PXMP2: variants seen among roughly 807,000 people sequenced by gnomAD.
PXMP2 encodes the protein peroxisomal membrane protein 2.
PXMP2 carries 13 observed loss-of-function variants against 20.2 expected under a neutral mutation model. The observed-to-expected ratio is 0.64, with a 90% CI of 0.42 to 1.02. The LOEUF (loss-of-function observed/expected upper bound fraction) is 1.02. Among genes scored for constraint, PXMP2 ranks in the 50% least tolerant of loss-of-function variants. The pLI is 0.00. For missense variants in PXMP2, 284 were observed against 251.8 expected (o/e 1.13, Z -0.87); for synonymous variants, 113 against 111.2 (o/e 1.02, Z -0.10).
intron 1 of PXMP2, chr12:132,688,119 A>AC: frequency 6.0e-6 from 1 of 165,646 alleles, no homozygotes; most frequent in Non-Finnish European, 1.3e-5. Flanking sequence ...GCGGGTCCGC[A>AC]GGCGCGGGTG....
intron 2 of PXMP2, among the ~76,000 whole-genome samples, chr12:132,692,730 G>T (rs574862544): frequency 1.0e-4 from 13 of 130,256 alleles, no homozygotes; most frequent in Non-Finnish European, 1.8e-4. Context: ...CAGTTAGTTA[G>T]TGAGCTCCCT....
At chr12:132,704,567 C>T in intron 4 of PXMP2, 52 bp from the exon 5 acceptor site, 3 of 1,348,208 alleles carry the variant, frequency 2.2e-6, no homozygotes, top group Non-Finnish European at 2.9e-6. Context: ...GGCTGGATAA[C>T]TGGCCACGGC....
intron 3 of PXMP2, among the ~76,000 whole-genome samples, chr12:132,698,638 C>CT (rs1398721647): frequency 2.0e-5 from 3 of 151,854 alleles, no homozygotes; most frequent in South Asian, 2.1e-4. Context: ...GGATTATTTT[C>CT]TTTTTTTTGA....
chr12:132,702,569 G>T, intron 4 of PXMP2: 1 of 272,286 alleles, frequency 3.7e-6, no homozygotes, highest in Admixed American at 5.1e-5. Context: ...CAGAAGGTAT[G>T]CCGCCCATCA....
chr12:132,690,888 G>T (rs902419416), intron 2 of PXMP2, among the ~76,000 whole-genome samples: 1 of 151,918 alleles, frequency 6.6e-6, no homozygotes, highest in African/African-American at 2.4e-5. Context: ...ATGGGTAGGG[G>T]TGACTGTCTT....
At position 132,687,674 on chromosome 12, in the gene PXMP2, G is replaced by A. The variant is rs1459642984; in HGVS notation, c.4G>A (p.Ala2Thr). M[A>T]PAASRLRAEA... ...GCGGCACGGCGCTGGGGAGGCGATGGCGCCGGCCGCGTCCAGGCTGCGGGC... is the reference window on the plus strand; with the variant it reads ...GCGGCACGGCGCTGGGGAGGCGATGACGCCGGCCGCGTCCAGGCTGCGGGC... Residue 2 changes from alanine to threonine, a missense_variant, in exon 1 of 5, where the codon GCG becomes ACG. By Grantham distance (58) the Ala-to-Thr change is moderately conservative. Coordinates refer to ENST00000317479, the MANE Select transcript of PXMP2 (RefSeq NM_018663.3). The A allele has an allele frequency of 7.7e-6, 9 of 1,172,854 alleles. No individual in the cohort carries two copies. The highest frequency in any genetic ancestry group is 7.3e-6 in the Non-Finnish European group (7 of 955,098). 72.7% of individuals were successfully genotyped at this position (1,172,854 alleles called of 1,614,324 possible).
rs11835147 is a variant in PXMP2 at position 132,704,875 on chromosome 12, C to T, written c.*188C>T. The T allele has an allele frequency of 0.01, 6,748 of 657,018 alleles. 293 individuals carry two copies. The highest frequency in any genetic ancestry group is 0.1 in the African/African-American group (5,471 of 54,778). 40.7% of individuals were successfully genotyped at this position (657,018 alleles called of 1,614,324 possible). A position where few individuals can be genotyped will look rare whatever the true frequency, so the allele number is the denominator to read the frequency against. On this transcript the variant is annotated 3_prime_UTR_variant, in exon 5 of 5. Transcript: ENST00000317479. The stretch of plus-strand genomic sequence containing the variant: ...GAACCCTGTCTTTTAAAAAGGCAGT[C>T]GCTGCCTTCAGGTGGTGCTGCCCCA...
chr12:132,690,712 A>G (rs2136059166), intron 2 of PXMP2, among the ~76,000 whole-genome samples: 1 of 152,060 alleles, frequency 6.6e-6, no homozygotes, highest in South Asian at 2.1e-4. Context: ...TGCCCAGCTA[A>G]TTTTTGTTAT....
At chr12:132,690,239 T>C in intron 1 of PXMP2, 24 bp from the exon 2 acceptor site, 8 of 1,590,858 alleles carry the variant, frequency 5.0e-6, no homozygotes, top group Non-Finnish European at 6.9e-6. Flanking sequence ...CACTGCTGTT[T>C]TCTGATGACC....
intron 4 of PXMP2, chr12:132,701,812 C>T (rs144921371): frequency 1.3e-3 from 263 of 199,938 alleles, no homozygotes; most frequent in Middle Eastern, 0.01. Context: ...AAAAGAAGGC[C>T]GTCACAGTAG....
In PXMP2 at chr12:132,696,104, C is replaced by A; in HGVS notation, c.399+58C>A. 1 of 1,482,616 alleles carries A rather than the reference C, an allele frequency of 6.7e-7. No individual in the cohort carries two copies. Among genetic ancestry groups the A allele is most frequent in the Non-Finnish European group, 9.1e-7 (1 of 1,103,798 alleles). The allele number at this position is 1,482,616 out of a possible 1,614,324, so 91.8% of individuals were successfully genotyped here. A position where few individuals can be genotyped will look rare whatever the true frequency, so the allele number is the denominator to read the frequency against. On this transcript the variant is annotated intron_variant, in intron 3 of 4. Coordinates refer to ENST00000317479, the MANE Select transcript of PXMP2 (RefSeq NM_018663.3). This position sits in a 1 kb window ranked among gnomAD's most constrained non-coding sequence, Gnocchi z 4.4. Reference sequence around the variant, plus strand: ...TTCGTTTAGCACAGGGATTCTTCACCTGACATTCTCGGCAGAATTCAGAGG... The same window carrying A: ...TTCGTTTAGCACAGGGATTCTTCACATGACATTCTCGGCAGAATTCAGAGG...
At position 132,700,848 on chromosome 12, in the gene PXMP2, C is replaced by T. The variant is rs1283267242; in HGVS notation, c.400-402C>T. Among the ~76,000 whole-genome samples the T allele has an allele frequency of 7.9e-5, 11 of 140,074 alleles. No individual in the cohort carries two copies. In the South Asian group the frequency reaches 1.4e-3, roughly 18 times the overall value. The allele number at this position is 140,074 out of a possible 152,430, so 91.9% of individuals were successfully genotyped here. A position where few individuals can be genotyped will look rare whatever the true frequency, so the allele number is the denominator to read the frequency against. ...CATTTAGAATGAACTTACTGGAGTCCTTTTTTTTTTTTTTTCATAACTCCT... is the reference window on the plus strand; with the variant it reads ...CATTTAGAATGAACTTACTGGAGTCTTTTTTTTTTTTTTTTCATAACTCCT... On this transcript the variant is annotated intron_variant, in intron 3 of 4. Transcript: ENST00000317479.
In PXMP2 at chr12:132,695,865, C is replaced by A; in HGVS notation, c.237-19C>A. The stretch of plus-strand genomic sequence containing the variant: ...ATCCAGAGAACCACAATCTGGCTCA[C>A]ACCCCCTGGGGGCCTCAGGTTCTTC... On this transcript the variant is annotated intron_variant, in intron 2 of 4. Coordinates refer to ENST00000317479, the MANE Select transcript of PXMP2 (RefSeq NM_018663.3). 6.3e-7 allele frequency: 1 copy of A among 1,589,588 alleles called. No homozygotes were observed. Among genetic ancestry groups the A allele is most frequent in the East Asian group, 2.3e-5 (1 of 44,398 alleles).
chr12:132,701,318 G>T lies in PXMP2; in HGVS notation c.468G>T (p.Trp156Cys). 1 of 1,613,176 alleles carries T rather than the reference G, an allele frequency of 6.2e-7. No individual in the cohort carries two copies. Among genetic ancestry groups the T allele is most frequent in the East Asian group, 2.2e-5 (1 of 44,754 alleles). ...TCTGGCCGGCGCTGAGGATGAACTG[G>T]CGGGTGTGGACGCCACTACAGTTCA... ...GGFWPALRMNWRVWTPLQFIN... is the reference protein window; with the variant it reads ...GGFWPALRMNCRVWTPLQFIN... The change falls in exon 4 of 5, where the codon TGG (tryptophan) becomes TGT (cysteine). Residue 156 changes from tryptophan to cysteine, a missense_variant. Trp to Cys is a radical substitution (Grantham distance 215). Transcript: ENST00000317479.
chr12:132,690,095 G>A (rs1262121443), intron 1 of PXMP2, among the ~76,000 whole-genome samples, 168 bp from the exon 2 acceptor site: 7 of 152,248 alleles, frequency 4.6e-5, no homozygotes, highest in Admixed American at 1.3e-4. Flanking sequence ...TAAGTCCACC[G>A]TCTCCACCTT....
At chr12:132,695,363 C>T (rs1239626390) in intron 2 of PXMP2, among the ~76,000 whole-genome samples, 1 of 152,130 alleles carries the variant, frequency 6.6e-6, no homozygotes, top group Non-Finnish European at 1.5e-5. Context: ...TGCCAGTTAG[C>T]CTAGTGAGTT....
chr12:132,702,882 C>T (rs1484830918), intron 4 of PXMP2, among the ~76,000 whole-genome samples: 1 of 152,140 alleles, frequency 6.6e-6, no homozygotes, highest in Non-Finnish European at 1.5e-5. Context: ...AGGAGGGAGG[C>T]GGCCCAGTGT....
Position 132,687,751 on chromosome 12 carries a change from CT to C in PXMP2, c.83del (p.Phe28SerfsTer27). On this transcript the variant is annotated frameshift_variant, in exon 1 of 5. Transcript: ENST00000317479. LOFTEE classifies it high-confidence loss of function. ...GGCGGGCGCTCGCCCAGTACCTGCT[CT>C]TCCTGCGGCTCTACCCGGTGCTCAC... The part of the protein sequence containing the change: ...PRRALAQYLL[F>X]LRLYPVLTKA... 1 of 1,218,360 alleles carries C rather than the reference CT, an allele frequency of 8.2e-7. No individual in the cohort carries two copies. 75.5% of individuals were successfully genotyped at this position (1,218,360 alleles called of 1,614,324 possible).
At chr12:132,694,778 CAGTT>C (rs1423392935) in intron 2 of PXMP2, among the ~76,000 whole-genome samples, 3 of 130,500 alleles carry the variant, frequency 2.3e-5, no homozygotes, top group Admixed American at 1.6e-4. Context: ...GTGCCCTTGC[CAGTT>C]AGTTAGTGAG....
Sources: gnomAD v4.1 joint callset for allele counts (sites outside exome capture counted in the v4.1 genomes callset) on GRCh38, gnomAD v4.1.1 for gene constraint, Gnocchi (gnomAD v3.1) non-coding constraint, MANE v1.5 for transcripts, NCBI Gene and HGNC (gene_info 2026-07-23, HGNC 2026-07-21) for gene names.